Variants in PRKCI observed in about 807,000 individuals in gnomAD.
The protein encoded by PRKCI is protein kinase C iota, also known as protein kinase C iota type.
A neutral mutation model predicts 84.0 loss-of-function variants in PRKCI; 43 were observed. The observed-to-expected ratio is 0.51, with a 90% CI of 0.40 to 0.66. The LOEUF (loss-of-function observed/expected upper bound fraction) is 0.66. Among genes scored for constraint, PRKCI ranks in the 30% least tolerant of loss-of-function variants. The probability of loss-of-function intolerance (pLI) is 0.00; values close to 1 mark genes in which losing one functional copy is unlikely to be tolerated. For missense variants in PRKCI, 459 were observed against 745.6 expected (o/e 0.62, Z 4.48); for synonymous variants, 216 against 234.4 (o/e 0.92, Z 0.72).
intron 1 of PRKCI, 140 bp from the exon 2 acceptor site, chr3:170,235,090 T>TA (rs1732935396): frequency 1.1e-6 from 1 of 897,132 alleles, no homozygotes; most frequent in East Asian, 2.8e-5. Flanking sequence ...TTTACTTGAA[T>TA]GAAATCATTT....
In PRKCI at chr3:170,243,720, C is replaced by A. The variant is rs184367429; in HGVS notation, c.223+8369C>A. Among the ~76,000 whole-genome samples the A allele has an allele frequency of 3.6e-3, 546 of 152,270 alleles. 5 individuals carry two copies. The highest frequency in any genetic ancestry group is 0.012 in the African/African-American group (506 of 41,550). ...GATTCCTTTTAAAAACTGTCTATGC[C>A]TGTTAGTCCCTGAAAAGTTTTCCTG... On this transcript the variant is annotated intron_variant, in intron 2 of 17. Transcript: ENST00000295797.
At chr3:170,229,357 A>G (rs922036874) in intron 1 of PRKCI, among the ~76,000 whole-genome samples, 1 of 152,182 alleles carries the variant, frequency 6.6e-6, no homozygotes, top group African/African-American at 2.4e-5. Flanking sequence ...TCTGTTGCCT[A>G]CGCTGGAGTG....
At position 170,297,410 on chromosome 3, in the gene PRKCI, T is replaced by C. The variant is rs371213300; in HGVS notation, c.1587+17T>C. The C allele has an allele frequency of 6.3e-7, 1 of 1,576,534 alleles. No individual in the cohort carries two copies. The highest frequency in any genetic ancestry group is 8.7e-7 in the Non-Finnish European group (1 of 1,149,378). The stretch of plus-strand genomic sequence containing the variant: ...TGGGATATGGTATGTAAATTTTGAT[T>C]ACTCAACTATTAGGTTTCATTATTA... On this transcript the variant is annotated intron_variant, in intron 16 of 17. Coordinates refer to ENST00000295797, the MANE Select transcript of PRKCI (RefSeq NM_002740.6).
chr3:170,285,068 GTCTTCATT>G (rs1388739933), intron 12 of PRKCI, among the ~76,000 whole-genome samples: 1 of 148,314 alleles, frequency 6.7e-6, no homozygotes, highest in Non-Finnish European at 1.5e-5. Flanking sequence ...CCCGGAATAT[GTCTTCATT>G]TCTTTTTTTT....
chr3:170,253,160 A>T (rs1733496221), intron 2 of PRKCI, among the ~76,000 whole-genome samples: 1 of 152,180 alleles, frequency 6.6e-6, no homozygotes, highest in South Asian at 2.1e-4. Flanking sequence ...GGGAGTGTAC[A>T]TATCTCTTCA....
chr3:170,248,373 G>C (rs943241274), intron 2 of PRKCI, among the ~76,000 whole-genome samples: 12 of 47,204 alleles, frequency 2.5e-4, no homozygotes, highest in Non-Finnish European at 4.5e-4. Context: ...AGATATATTG[G>C]GGGGGGGAAA....
Position 170,258,647 on chromosome 3 carries a change from C to T in PRKCI, c.224-1322C>T, listed in dbSNP as rs532637122. ...CATAGTCCAGGCAGATGTGCCACCTCATTGATCGCCAGGGATGACTCAGTT... is the reference window on the plus strand; with the variant it reads ...CATAGTCCAGGCAGATGTGCCACCTTATTGATCGCCAGGGATGACTCAGTT... On this transcript the variant is annotated intron_variant, in intron 2 of 17. Transcript: ENST00000295797. Among the ~76,000 whole-genome samples, 40 of 152,276 alleles carry T rather than the reference C, an allele frequency of 2.6e-4. 1 individual carries two copies. The South Asian group carries it at 8.1e-3, about 31-fold the overall frequency.
intron 2 of PRKCI, among the ~76,000 whole-genome samples, chr3:170,239,164 A>G (rs1311592633): frequency 6.6e-6 from 1 of 152,246 alleles, no homozygotes; most frequent in Non-Finnish European, 1.5e-5. Context: ...AACCTTAGAT[A>G]TGAATCATAA....
intron 14 of PRKCI, among the ~76,000 whole-genome samples, chr3:170,295,702 C>T (rs1198163419): frequency 6.6e-6 from 1 of 150,946 alleles, no homozygotes; most frequent in Non-Finnish European, 1.5e-5. Context: ...AAAATTTAGC[C>T]GAGCGTGATG....
intron 2 of PRKCI, among the ~76,000 whole-genome samples, chr3:170,240,095 G>A (rs1463990320): frequency 6.6e-6 from 1 of 151,980 alleles, no homozygotes; most frequent in Non-Finnish European, 1.5e-5. Flanking sequence ...ATGGGAGATG[G>A]AGGCTGCAGT....
rs1373137084 is a variant in PRKCI, at chr3:170,284,541, A to T, written c.1148A>T (p.Asn383Ile). The T allele has an allele frequency of 6.2e-7, 1 of 1,613,082 alleles. No homozygotes were observed. The highest frequency in any genetic ancestry group is 1.3e-5 in the African/African-American group (1 of 75,036). ...GIIYRDLKLD[N>I]VLLDSEGHIK... is the part of the protein sequence containing the mutation. Reference sequence around the variant, plus strand: ...ATTTATAGAGATTTGAAACTGGACAATGTATTACTGGACTCTGAAGGCCAC... The same window carrying T: ...ATTTATAGAGATTTGAAACTGGACATTGTATTACTGGACTCTGAAGGCCAC... The change falls in exon 12 of 18, where the codon AAT becomes ATT. Residue 383 changes from asparagine to isoleucine, a missense_variant. By Grantham distance (149) the Asn-to-Ile change is moderately radical (BLOSUM62 -3). Around this residue, in one of 2 missense-constraint regions of PRKCI, gnomAD observed 209 missense variants for 425.9 expected, o/e 0.49. Coordinates refer to ENST00000295797, the MANE Select transcript of PRKCI (RefSeq NM_002740.6).
intron 2 of PRKCI, among the ~76,000 whole-genome samples, chr3:170,256,507 A>G (rs1733585642): frequency 6.6e-6 from 1 of 152,132 alleles, no homozygotes; most frequent in Non-Finnish European, 1.5e-5. Context: ...CTGCAGTATT[A>G]GTTGTATTGT....
At chr3:170,238,074 T>C (rs1733025413) in intron 2 of PRKCI, among the ~76,000 whole-genome samples, 1 of 152,088 alleles carries the variant, frequency 6.6e-6, no homozygotes, top group South Asian at 2.1e-4. Flanking sequence ...AAAAAAAAAT[T>C]ATATGGGGCC....
chr3:170,266,882 A>G (rs935187267), intron 4 of PRKCI, among the ~76,000 whole-genome samples: 1 of 152,134 alleles, frequency 6.6e-6, no homozygotes, highest in African/African-American at 2.4e-5. Context: ...AATCCCAGCT[A>G]CTCGGGTGGC....
Position 170,273,138 on chromosome 3 carries a change from T to G in PRKCI, c.592-148T>G, listed in dbSNP as rs372488994. ...TCATTCACAGCAGTATTGTATAGTTTCATAAAACAAAATTAAAAGTAAATT... is the reference window on the plus strand; with the variant it reads ...TCATTCACAGCAGTATTGTATAGTTGCATAAAACAAAATTAAAAGTAAATT... On this transcript the variant is annotated intron_variant, in intron 6 of 17. Transcript: ENST00000295797. The G allele has an allele frequency of 1.1e-5, 7 of 654,594 alleles. No homozygotes were observed. The African/African-American group carries it at 1.3e-4, about 12-fold the overall frequency. 40.5% of individuals were successfully genotyped at this position (654,594 alleles called of 1,614,324 possible). A position where few individuals can be genotyped will look rare whatever the true frequency, so the allele number is the denominator to read the frequency against.
At position 170,299,013 on chromosome 3, in the gene PRKCI, G is replaced by A. The variant is rs1734757124; in HGVS notation, c.1606G>A (p.Val536Ile). Reference sequence around the variant, plus strand: ...TTTTCAGATGGAGCAAAAACAGGTGGTACCTCCCTTTAAACCAAATATTTC... The same window carrying A: ...TTTTCAGATGGAGCAAAAACAGGTGATACCTCCCTTTAAACCAAATATTTC... ...DWDMMEQKQV[V>I]PPFKPNISGE... The change falls in exon 17 of 18, where the codon GTA becomes ATA. Residue 536 changes from valine to isoleucine, a missense_variant. Coordinates refer to ENST00000295797, the MANE Select transcript of PRKCI (RefSeq NM_002740.6). The A allele has an allele frequency of 1.9e-6, 3 of 1,612,254 alleles. No homozygotes were observed. The highest frequency in any genetic ancestry group is 2.5e-6 in the Non-Finnish European group (3 of 1,179,352).
At position 170,291,697 on chromosome 3, in the gene PRKCI, A is replaced by AAAT. The variant is rs371714535; in HGVS notation, c.1204-142_1204-140dup. Reference sequence around the variant, plus strand: ...GGGCGACAGAGCAAGACCCTGTCAAAAATAATAATAATAATAAAGGCAATT... The same window carrying AAAT: ...GGGCGACAGAGCAAGACCCTGTCAAAAATAATAATAATAATAATAAAGGCAATT... On this transcript the variant is annotated intron_variant, in intron 12 of 17. Coordinates refer to ENST00000295797, the MANE Select transcript of PRKCI (RefSeq NM_002740.6). 1.4e-3 allele frequency: 843 copies of AAAT among 589,196 alleles called. 2 individuals are homozygous for AAAT. The highest frequency in any genetic ancestry group is 5.0e-3 in the African/African-American group (264 of 52,796). The allele number at this position is 589,196 out of a possible 1,614,324, so 36.5% of individuals were successfully genotyped here.
intron 12 of PRKCI, 79 bp from the exon 13 acceptor site, chr3:170,291,775 A>G: frequency 9.2e-7 from 1 of 1,084,128 alleles, no homozygotes; most frequent in Non-Finnish European, 1.4e-6. Flanking sequence ...CTGAACTTAT[A>G]TGATAGGTGA....
rs532528229 is a variant in PRKCI, at chr3:170,233,192, A to G, written c.102-2038A>G. 3.3e-5 allele frequency among the ~76,000 whole-genome samples: 3 copies of G among 92,154 alleles called. No homozygotes were observed. The South Asian group carries it at 1.3e-3, about 39-fold the overall frequency. 60.5% of individuals were successfully genotyped at this position (92,154 alleles called of 152,430 possible). A position where few individuals can be genotyped will look rare whatever the true frequency, so the allele number is the denominator to read the frequency against. On this transcript the variant is annotated intron_variant, in intron 1 of 17. Coordinates refer to ENST00000295797, the MANE Select transcript of PRKCI (RefSeq NM_002740.6). ...TAATTTAGAAGAAAAGCTTACACTG[A>G]GGTAGCAGAAGGACTGAATGTGATT...
Sources: gnomAD v4.1 joint callset for allele counts (sites outside exome capture counted in the v4.1 genomes callset) on GRCh38, gnomAD v4.1.1 for gene constraint, gnomAD v4.1.1 regional missense constraint, MANE v1.5 for transcripts, NCBI Gene and HGNC (gene_info 2026-07-23, HGNC 2026-07-21) for gene names.